Variants in TSC22D1 observed in about 807,000 individuals in gnomAD.
TSC22D1 encodes TSC22 domain family protein 1.
TSC22D1 carries 9 observed loss-of-function variants against 74.2 expected under a neutral mutation model. The ratio of observed to expected loss-of-function variants is 0.12; its 90% CI spans 0.07 to 0.21. TSC22D1 has a LOEUF of 0.21. TSC22D1 is among the 10% of genes least tolerant of loss of function. The pLI is 1.00. For missense variants in TSC22D1, 1,427 were observed against 1,304.7 expected, an observed-to-expected ratio of 1.09 and a Z score of -1.44; for synonymous variants, 586 against 492.5, an observed-to-expected ratio of 1.19 and a Z score of -2.51.
intron 1 of TSC22D1, among the ~76,000 whole-genome samples, chr13:44,504,191 G>A (rs1360444592): frequency 6.6e-6 from 1 of 150,774 alleles, no homozygotes; most frequent in Non-Finnish European, 1.5e-5. Context: ...AAGCAAGCCT[G>A]TATTTAATGA....
At chr13:44,571,434 T>C (rs1468606839) in intron 1 of TSC22D1, among the ~76,000 whole-genome samples, 3 of 152,180 alleles carry the variant, frequency 2.0e-5, no homozygotes, top group Non-Finnish European at 4.4e-5. Flanking sequence ...AATCCTATCA[T>C]GTCCTACCAA....
chr13:44,520,095 G>C lies in TSC22D1; in HGVS notation c.2912+53068C>G, dbSNP rs560213279. On this transcript the variant is annotated intron_variant, in intron 1 of 2. Coordinates refer to ENST00000458659, the MANE Select transcript of TSC22D1 (RefSeq NM_183422.4). ...ATAGGTAGATCTATGAAGTTGATCA[G>C]TGTTATAAACACGAGTCATCTGTGT... Among the ~76,000 whole-genome samples the C allele has an allele frequency of 2.0e-5, 3 of 152,218 alleles. No individual in the cohort carries two copies. In the South Asian group the frequency reaches 6.2e-4, roughly 32 times the overall value.
intron 1 of TSC22D1, among the ~76,000 whole-genome samples, chr13:44,446,831 A>C (rs1300073256): frequency 7.1e-6 from 1 of 140,376 alleles, no homozygotes; most frequent in Non-Finnish European, 1.5e-5. Flanking sequence ...GAGGAAGAAG[A>C]GGAGGAGGAA....
chr13:44,437,443 C>A (rs374648428), intron 1 of TSC22D1: 1 of 178,472 alleles, frequency 5.6e-6, no homozygotes, highest in African/African-American at 2.4e-5. Context: ...CACATTTGCT[C>A]TTTGAGAGAT....
In TSC22D1 at chr13:44,558,128, C is replaced by A. The variant is rs1882809109; in HGVS notation, c.2912+15035G>T. Among the ~76,000 whole-genome samples, 4 of 152,128 alleles carry A rather than the reference C, an allele frequency of 2.6e-5. No individual in the cohort carries two copies. The South Asian group carries it at 8.3e-4, about 32-fold the overall frequency. On this transcript the variant is annotated intron_variant, in intron 1 of 2. Coordinates refer to ENST00000458659, the MANE Select transcript of TSC22D1 (RefSeq NM_183422.4). ...GCCTCTATACTCAATAGGCTAACGACTGCTTTTTATAGTTGTCAGCTGTCA... is the reference window on the plus strand; with the variant it reads ...GCCTCTATACTCAATAGGCTAACGAATGCTTTTTATAGTTGTCAGCTGTCA...
rs1874146697 is a variant in TSC22D1 at position 44,432,685 on chromosome 13, C to A, written c.*1941G>T. 6.6e-6 allele frequency: 1 copy of A among 151,836 alleles called. No homozygotes were observed. Among genetic ancestry groups the A allele is most frequent in the South Asian group, 2.1e-4 (1 of 4,812 alleles). The allele number at this position is 151,836 out of a possible 1,614,324, so 9.4% of individuals were successfully genotyped here. A position where few individuals can be genotyped will look rare whatever the true frequency, so the allele number is the denominator to read the frequency against. On this transcript the variant is annotated 3_prime_UTR_variant, in exon 3 of 3. Coordinates refer to ENST00000458659, the MANE Select transcript of TSC22D1 (RefSeq NM_183422.4). ...CTCTAGATGAGAGAAATGAATGATT[C>A]AGAAAGTTTGTCCTTGTTCTGCAAG... is the stretch of plus-strand genomic sequence containing the variant.
intron 1 of TSC22D1, among the ~76,000 whole-genome samples, chr13:44,547,609 TAG>T (rs537380514): frequency 3.9e-5 from 6 of 152,222 alleles, no homozygotes; most frequent in Non-Finnish European, 7.3e-5. Context: ...TCGCAGGAAA[TAG>T]AGTTTAGTGC....
intron 1 of TSC22D1, among the ~76,000 whole-genome samples, chr13:44,448,420 G>C (rs540106298): frequency 9.9e-5 from 15 of 152,196 alleles, no homozygotes; most frequent in Admixed American, 2.0e-4. Context: ...CAGTCTCTTG[G>C]TGACTCTAAA....
chr13:44,493,644 A>C (rs922772659), intron 1 of TSC22D1, among the ~76,000 whole-genome samples: 3 of 152,208 alleles, frequency 2.0e-5, no homozygotes, highest in African/African-American at 7.2e-5. Flanking sequence ...AGACCTGAGA[A>C]GACCCCAAAC....
intron 1 of TSC22D1, among the ~76,000 whole-genome samples, chr13:44,503,813 A>G (rs1265265826): frequency 1.3e-5 from 2 of 152,214 alleles, no homozygotes; most frequent in Admixed American, 6.5e-5. Flanking sequence ...CCGATCAATT[A>G]CAAAACCTAA....
intron 1 of TSC22D1, among the ~76,000 whole-genome samples, chr13:44,481,828 G>A (rs1878191447): frequency 6.6e-6 from 1 of 152,104 alleles, no homozygotes; most frequent in Admixed American, 6.5e-5. Context: ...CAAAGTCGGT[G>A]GGGGACATGC....
intron 1 of TSC22D1, among the ~76,000 whole-genome samples, chr13:44,516,547 C>T (rs1444044721): frequency 6.6e-6 from 1 of 152,056 alleles, no homozygotes; most frequent in Non-Finnish European, 1.5e-5. Context: ...CAAAGCACAC[C>T]AGTGACTGCA....
intron 1 of TSC22D1, among the ~76,000 whole-genome samples, chr13:44,456,096 T>C (rs1020079565): frequency 2.6e-5 from 4 of 152,192 alleles, no homozygotes; most frequent in African/African-American, 7.2e-5. Flanking sequence ...CCGTGGGTTG[T>C]TGGTCTCGCT....
intron 1 of TSC22D1, among the ~76,000 whole-genome samples, chr13:44,490,282 T>C (rs543612295): frequency 1.1e-4 from 16 of 151,530 alleles, no homozygotes; most frequent in Non-Finnish European, 1.9e-4. Flanking sequence ...AACTAACTGA[T>C]AGTGTTAGAG....
chr13:44,510,387 C>T (rs1203014315), intron 1 of TSC22D1, among the ~76,000 whole-genome samples: 1 of 151,330 alleles, frequency 6.6e-6, no homozygotes, highest in African/African-American at 2.4e-5. Context: ...AGTGAAACTC[C>T]GTCTCAAAAA....
intron 1 of TSC22D1, among the ~76,000 whole-genome samples, chr13:44,490,709 C>T (rs1294846661): frequency 2.0e-5 from 3 of 151,872 alleles, no homozygotes; most frequent in Non-Finnish European, 4.4e-5. Context: ...ACCAGCCTGA[C>T]CAATATGGAG....
intron 1 of TSC22D1, among the ~76,000 whole-genome samples, chr13:44,465,394 A>C (rs558787359): frequency 9.8e-5 from 15 of 152,360 alleles, no homozygotes; most frequent in Middle Eastern, 3.4e-3. Context: ...CACGAGCATG[A>C]CAATGATGAG....
At chr13:44,503,492 A>C (rs1879306984) in intron 1 of TSC22D1, among the ~76,000 whole-genome samples, 1 of 152,212 alleles carries the variant, frequency 6.6e-6, no homozygotes. Context: ...TGCCATACAT[A>C]AATACCTTCA....
At chr13:44,444,278 C>CAAAAAAAAAAAA (rs71070905) in intron 1 of TSC22D1, among the ~76,000 whole-genome samples, 6 of 17,584 alleles carry the variant, frequency 3.4e-4, no homozygotes, top group Non-Finnish European at 2.9e-4. Flanking sequence ...GACTCTGTCT[C>CAAAAAAAAAAAA]AAAAAAAAAA....
Sources: gnomAD v4.1 joint callset for allele counts (sites outside exome capture counted in the v4.1 genomes callset) on GRCh38, gnomAD v4.1.1 for gene constraint, MANE v1.5 for transcripts, NCBI Gene and HGNC (gene_info 2026-07-23, HGNC 2026-07-21) for gene names.